Variants in FDPS observed in about 807,000 individuals in gnomAD.
FDPS encodes the protein farnesyl diphosphate synthase, also known as farnesyl pyrophosphate synthase.
In FDPS, 29 loss-of-function variants were observed where a neutral mutation model predicts 49.5. The observed-to-expected ratio is 0.59, with a 90% CI of 0.44 to 0.80. The LOEUF is 0.80. FDPS is among the 30% of genes least tolerant of loss of function. The probability of loss-of-function intolerance (pLI) is 0.00; values close to 1 mark genes in which losing one functional copy is unlikely to be tolerated. For synonymous variants in FDPS, 172 were observed against 206.4 expected (o/e 0.83, Z 1.43); for missense variants, 414 against 525.6 (o/e 0.79, Z 2.08).
rs752832793 is a variant in FDPS at position 155,320,527 on chromosome 1, C to T, written c.1178C>T (p.Ala393Val). ...GAAGACAGTTACAGCCACATTATGG[C>T]TCTCATTGAACAGTACGCAGCACCC... Reference protein sequence around the residue: ...YEEDSYSHIMALIEQYAAPLP... With the variant: ...YEEDSYSHIMVLIEQYAAPLP... Residue 393 changes from alanine (A) to valine (V), a missense_variant, in exon 11 of 11, where the codon GCT (alanine) becomes GTT (valine). Physicochemically the swap from Ala to Val is moderately conservative, Grantham distance 64. Transcript: ENST00000368356. 6.8e-6 allele frequency: 11 copies of T among 1,614,108 alleles called. No individual in the cohort carries two copies. Among genetic ancestry groups the T allele is most frequent in the Non-Finnish European group, 9.3e-6 (11 of 1,180,026 alleles).
At position 155,312,238 on chromosome 1, in the gene FDPS, C is replaced by A. The variant is rs768866332; in HGVS notation, c.340-17C>A. On this transcript the variant is annotated splice_polypyrimidine_tract_variant and intron_variant, in intron 3 of 10. Transcript: ENST00000368356. ...GTATGGACCCTGATACCCTGTACCT[C>A]TTTCCTTGCCCTCCAGGTCCTGGAG... 5.0e-6 allele frequency: 8 copies of A among 1,613,216 alleles called. No homozygotes were observed. Among genetic ancestry groups the A allele is most frequent in the Admixed American group, 1.7e-5 (1 of 60,014 alleles).
In FDPS at chr1:155,320,538, C is replaced by G. The variant is rs1236795430; in HGVS notation, c.1189C>G (p.Gln397Glu). The part of the protein sequence containing the change: ...SYSHIMALIE[Q>E]YAAPLPPAVF... ...CAGCCACATTATGGCTCTCATTGAA[C>G]AGTACGCAGCACCCCTGCCCCCAGC... Residue 397 changes from glutamine to glutamate, a missense_variant, in exon 11 of 11, where the codon CAG (glutamine) becomes GAG (glutamate). Coordinates refer to ENST00000368356, the MANE Select transcript of FDPS (RefSeq NM_002004.4). 3 of 1,614,174 alleles carry G rather than the reference C, an allele frequency of 1.9e-6. No individual in the cohort carries two copies. The highest frequency in any genetic ancestry group is 2.5e-6 in the Non-Finnish European group (3 of 1,180,030).
At chr1:155,315,159 A>G (rs1649192985) in intron 4 of FDPS, among the ~76,000 whole-genome samples, 1 of 152,208 alleles carries the variant, frequency 6.6e-6, no homozygotes, top group African/African-American at 2.4e-5. Flanking sequence ...CCCACGGCCC[A>G]TGCTGGGCTC....
At position 155,309,981 on chromosome 1, in the gene FDPS, G is replaced by T; in HGVS notation, c.176+16G>T. ...AGGAACCTCGGTGAGTGTGGTTGGG[G>T]TGAGGGGCCTTGGGGAGGGGAGCAG... On this transcript the variant is annotated intron_variant, in intron 2 of 10. Transcript: ENST00000368356. 6.2e-7 allele frequency: 1 copy of T among 1,610,398 alleles called. No individual in the cohort carries two copies. Among genetic ancestry groups the T allele is most frequent in the South Asian group, 1.1e-5 (1 of 90,952 alleles).
chr1:155,319,837 A>C lies in FDPS; in HGVS notation c.968A>C (p.Lys323Thr), dbSNP rs781599688. ...DLFGDPSVTG[K>T]IGTDIQDNKC... ...TTTGGGGACCCCAGTGTGACCGGCA[A>C]AATTGGCACTGACATCCAGGACAAC... Residue 323 changes from lysine (K) to threonine (T), a missense_variant, in exon 10 of 11, where the codon AAA (lysine) becomes ACA (threonine). Physicochemically the swap from Lys to Thr is moderately conservative, Grantham distance 78. Transcript: ENST00000368356. The C allele has an allele frequency of 1.9e-6, 3 of 1,614,156 alleles. No homozygotes were observed. Among genetic ancestry groups the C allele is most frequent in the South Asian group, 2.2e-5 (2 of 91,074 alleles).
rs2148230727 is a variant in FDPS at position 155,310,042 on chromosome 1, G to T, written c.177-1G>T. Reference sequence around the variant, plus strand: ...TTCTGACTTGTTTTTCTTCTACTTAGAGCCCTTTGCTCCTCCCTCAGAATG... The same window carrying T: ...TTCTGACTTGTTTTTCTTCTACTTATAGCCCTTTGCTCCTCCCTCAGAATG... On this transcript the variant is annotated splice_acceptor_variant, in intron 2 of 10. Transcript: ENST00000368356. LOFTEE classifies it high-confidence loss of function. 3 of 1,613,302 alleles carry T rather than the reference G, an allele frequency of 1.9e-6. No individual in the cohort carries two copies. The South Asian group carries it at 3.3e-5, about 18-fold the overall frequency.
At chr1:155,316,387 AC>A (rs1418208538) in intron 4 of FDPS, among the ~76,000 whole-genome samples, 2 of 152,148 alleles carry the variant, frequency 1.3e-5, no homozygotes, top group Non-Finnish European at 2.9e-5. Flanking sequence ...AAGAGTTGAG[AC>A]AGGAGGATCA....
At chr1:155,320,200 G>A in intron 10 of FDPS, 2 of 644,698 alleles carry the variant, frequency 3.1e-6, no homozygotes, top group South Asian at 3.9e-5. Flanking sequence ...GAGAAACCCT[G>A]GAGTAGAGGA....
chr1:155,311,874 G>A (rs936960467), intron 3 of FDPS, among the ~76,000 whole-genome samples: 2 of 152,054 alleles, frequency 1.3e-5, no homozygotes, highest in African/African-American at 4.8e-5. Flanking sequence ...TCGAGAGGCT[G>A]AGCCAGGAGA....
chr1:155,319,652 G>A lies in FDPS; in HGVS notation c.888G>A (p.Lys296=), dbSNP rs1162759569. The A allele has an allele frequency of 6.2e-7, 1 of 1,614,254 alleles. No individual in the cohort carries two copies. Among genetic ancestry groups the A allele is most frequent in the African/African-American group, 1.3e-5 (1 of 75,064 alleles). Residue 296 remains lysine (K), a synonymous_variant, in exon 9 of 11, where the codon AAG becomes AAA. Coordinates refer to ENST00000368356, the MANE Select transcript of FDPS (RefSeq NM_002004.4). ...DGEKEHANAK[K]ILLEMGEFFQ... ...AGAAGGAGCACGCCAATGCCAAGAA[G>A]ATCCTGCTGGAGATGGGGGAGTTCT...
chr1:155,315,140 G>A lies in FDPS; in HGVS notation c.480+2745G>A, dbSNP rs555054179. Reference sequence around the variant, plus strand: ...TGCCTATAACAGCAGTGATTGCAACGGTCCTTTCCCCACGGCCCATGCTGG... The same window carrying A: ...TGCCTATAACAGCAGTGATTGCAACAGTCCTTTCCCCACGGCCCATGCTGG... On this transcript the variant is annotated intron_variant, in intron 4 of 10. Transcript: ENST00000368356. Among the ~76,000 whole-genome samples the A allele has an allele frequency of 3.3e-4, 50 of 152,312 alleles. No individual in the cohort carries two copies. In the Middle Eastern group the frequency reaches 0.014, roughly 41 times the overall value.
At chr1:155,311,976 A>C (rs1648845614) in intron 3 of FDPS, among the ~76,000 whole-genome samples, 1 of 149,668 alleles carries the variant, frequency 6.7e-6, no homozygotes, top group South Asian at 2.1e-4. Flanking sequence ...CATCTCAAAA[A>C]AATAAATAAA....
At chr1:155,310,530 C>T (rs1048699666) in intron 3 of FDPS, 5 of 250,296 alleles carry the variant, frequency 2.0e-5, no homozygotes, top group East Asian at 1.0e-4. Flanking sequence ...AGGCTGGTCT[C>T]GAACTCCTGA....
chr1:155,316,295 C>CA (rs1323518688), intron 4 of FDPS, among the ~76,000 whole-genome samples: 1 of 151,772 alleles, frequency 6.6e-6, no homozygotes, highest in African/African-American at 2.4e-5. Context: ...AGTGGAAAAA[C>CA]AAAAAAAGGA....
Position 155,319,017 on chromosome 1 carries a change from C to T in FDPS, c.846+89C>T, listed in dbSNP as rs551242781. Reference sequence around the variant, plus strand: ...AGCAGAAAACGTGAACACTGCTACCCCTGGTGAAAAACTGTGTGACCTTGA... The same window carrying T: ...AGCAGAAAACGTGAACACTGCTACCTCTGGTGAAAAACTGTGTGACCTTGA... On this transcript the variant is annotated intron_variant, in intron 8 of 10. Coordinates refer to ENST00000368356, the MANE Select transcript of FDPS (RefSeq NM_002004.4). 1.7e-4 allele frequency: 166 copies of T among 951,390 alleles called. 3 individuals are homozygous for T. The South Asian group carries it at 2.1e-3, about 12-fold the overall frequency. 58.9% of individuals were successfully genotyped at this position (951,390 alleles called of 1,614,324 possible).
At chr1:155,316,989 A>G (rs1649510226) in intron 4 of FDPS, 1 of 152,150 alleles carries the variant, frequency 6.6e-6, no homozygotes, top group African/African-American at 2.4e-5. Context: ...GCTTCCAAGG[A>G]GATCATGGTC....
Position 155,318,734 on chromosome 1 carries a change from G to A in FDPS, c.754G>A (p.Val252Ile). 1 of 1,612,930 alleles carries A rather than the reference G, an allele frequency of 6.2e-7. No homozygotes were observed. Among genetic ancestry groups the A allele is most frequent in the Non-Finnish European group, 8.5e-7 (1 of 1,178,994 alleles). ...LTAPQGNVDL[V>I]RFTEKRYKSI... is the part of the protein sequence containing the mutation. ...AGCCCCCCAGGGCAATGTGGATCTT[G>A]TCAGATTCACTGAAAAGAGGTGAGG... The change falls in exon 7 of 11, where the codon GTC (valine) becomes ATC (isoleucine). Residue 252 changes from valine (V) to isoleucine (I), a missense_variant. Val to Ile is a conservative substitution (Grantham distance 29). Coordinates refer to ENST00000368356, the MANE Select transcript of FDPS (RefSeq NM_002004.4). This position sits in a 1 kb window ranked among gnomAD's most constrained non-coding sequence, Gnocchi z 4.2.
At chr1:155,317,844 A>T in intron 4 of FDPS, 97 bp from the exon 5 acceptor site, 1 of 1,122,998 alleles carries the variant, frequency 8.9e-7, no homozygotes, top group Non-Finnish European at 1.3e-6. Context: ...CCTACCAAAA[A>T]AAAGCAAAAC....
intron 10 of FDPS, 140 bp from the exon 11 acceptor site, chr1:155,320,269 A>G (rs1650184377): frequency 2.7e-6 from 2 of 746,094 alleles, no homozygotes; most frequent in African/African-American, 3.5e-5. Context: ...TTAGCTACGT[A>G]GAGACACTTG....
Sources: allele counts gnomAD v4.1 joint callset (sites outside exome capture counted in the v4.1 genomes callset), GRCh38; gene constraint gnomAD v4.1.1; non-coding constraint Gnocchi (gnomAD v3.1); transcripts MANE v1.5; gene names NCBI Gene and HGNC (gene_info 2026-07-23, HGNC 2026-07-21).